The following UBE2E2 variants were observed in gnomAD, a reference collection of about 807,000 sequenced individuals.
The protein encoded by UBE2E2 is ubiquitin-conjugating enzyme E2 E2.
In UBE2E2, 6 loss-of-function variants were observed where a neutral mutation model predicts 24.7. The observed-to-expected ratio is 0.24, with a 90% CI of 0.13 to 0.48. The LOEUF (loss-of-function observed/expected upper bound fraction) is 0.48. Among genes scored for constraint, UBE2E2 ranks in the 20% least tolerant of loss-of-function variants. The pLI is 0.99. For missense variants in UBE2E2, 169 were observed against 245.0 expected (o/e 0.69, Z 2.07); for synonymous variants, 104 against 83.6 (o/e 1.24, Z -1.33).
intron 3 of UBE2E2, among the ~76,000 whole-genome samples, chr3:23,274,996 ATAACT>A (rs1698345779): frequency 6.6e-6 from 1 of 152,224 alleles, no homozygotes; most frequent in Non-Finnish European, 1.5e-5. Flanking sequence ...AATCCTCAAA[ATAACT>A]TTTTGAGGAA....
intron 3 of UBE2E2, among the ~76,000 whole-genome samples, chr3:23,246,536 T>A (rs1465193436): frequency 6.6e-6 from 1 of 151,652 alleles, no homozygotes; most frequent in Non-Finnish European, 1.5e-5. Flanking sequence ...TGCCCGGCCA[T>A]GCCTGGCTAA....
intron 3 of UBE2E2, among the ~76,000 whole-genome samples, chr3:23,324,078 C>T (rs1424681452): frequency 1.3e-5 from 2 of 152,074 alleles, no homozygotes; most frequent in African/African-American, 4.8e-5. Context: ...AATAACTGTG[C>T]AATGCTAAAC....
At chr3:23,267,648 C>G (rs1229508584) in intron 3 of UBE2E2, among the ~76,000 whole-genome samples, 1 of 152,010 alleles carries the variant, frequency 6.6e-6, no homozygotes, top group East Asian at 1.9e-4. Flanking sequence ...TGGTACCATT[C>G]CTTCTGAAAC....
At chr3:23,236,065 T>C (rs1575492407) in intron 3 of UBE2E2, among the ~76,000 whole-genome samples, 1 of 151,920 alleles carries the variant, frequency 6.6e-6, no homozygotes, top group African/African-American at 2.4e-5. Context: ...CATTCAGAAA[T>C]GGGTGAACTA....
intron 3 of UBE2E2, among the ~76,000 whole-genome samples, chr3:23,229,587 A>G (rs1281535997): frequency 6.6e-6 from 1 of 152,222 alleles, no homozygotes; most frequent in Non-Finnish European, 1.5e-5. Flanking sequence ...TGAAGGTCAC[A>G]TAGCAAGTAA....
At chr3:23,226,433 A>G (rs1696828000) in intron 3 of UBE2E2, among the ~76,000 whole-genome samples, 1 of 151,788 alleles carries the variant, frequency 6.6e-6, no homozygotes, top group African/African-American at 2.4e-5. Flanking sequence ...GATGTCATTT[A>G]GTCTTTTCAA....
At chr3:23,428,222 A>G (rs943012123) in intron 3 of UBE2E2, among the ~76,000 whole-genome samples, 11 of 152,238 alleles carry the variant, frequency 7.2e-5, no homozygotes, top group African/African-American at 2.4e-4. Context: ...CAATGGAGTT[A>G]AACTAGAAAT....
At chr3:23,288,547 A>G (rs1391260286) in intron 3 of UBE2E2, among the ~76,000 whole-genome samples, 5 of 152,272 alleles carry the variant, frequency 3.3e-5, no homozygotes, top group Non-Finnish European at 4.4e-5. Flanking sequence ...ATTGGGATCT[A>G]TCTTTCTCTT....
intron 5 of UBE2E2, among the ~76,000 whole-genome samples, chr3:23,557,596 A>G (rs1695822456): frequency 2.0e-5 from 3 of 152,190 alleles, no homozygotes; most frequent in Admixed American, 2.0e-4. Context: ...CCCACACCAG[A>G]CGCAGTGAGA....
chr3:23,226,200 A>G (rs1696821649), intron 3 of UBE2E2, among the ~76,000 whole-genome samples: 1 of 149,760 alleles, frequency 6.7e-6, no homozygotes. Context: ...TTTCCACATC[A>G]TAGTAACTAA....
At chr3:23,478,751 A>C (rs930059574) in intron 3 of UBE2E2, among the ~76,000 whole-genome samples, 2 of 152,110 alleles carry the variant, frequency 1.3e-5, no homozygotes, top group African/African-American at 4.8e-5. Context: ...GATTACAAAA[A>C]ATTAAGAGGT....
intron 3 of UBE2E2, among the ~76,000 whole-genome samples, chr3:23,283,124 TTG>T (rs1427737610): frequency 2.0e-5 from 3 of 152,232 alleles, no homozygotes; most frequent in African/African-American, 7.2e-5. Flanking sequence ...TAAGGAGAAG[TTG>T]ATAAATGCTA....
rs182408230 is a variant in UBE2E2 at position 23,290,294 on chromosome 3, C to T, written c.227+72982C>T. 6.6e-5 allele frequency among the ~76,000 whole-genome samples: 10 copies of T among 152,270 alleles called. 1 individual carries two copies. Among genetic ancestry groups the T allele is most frequent in the Admixed American group, 5.9e-4 (9 of 15,292 alleles). On this transcript the variant is annotated intron_variant, in intron 3 of 5. Coordinates refer to ENST00000396703, the MANE Select transcript of UBE2E2 (RefSeq NM_152653.4). Reference sequence around the variant, plus strand: ...TGTGGACCATTCTTGAAGCTGGTGACGCTGCAAAGGGTCCAAGGCTTGCCC... The same window carrying T: ...TGTGGACCATTCTTGAAGCTGGTGATGCTGCAAAGGGTCCAAGGCTTGCCC...
intron 5 of UBE2E2, among the ~76,000 whole-genome samples, chr3:23,563,819 A>C (rs561104923): frequency 1.2e-3 from 181 of 152,168 alleles, no homozygotes; most frequent in African/African-American, 4.3e-3. Context: ...GTAGTTAATG[A>C]GGTGTGTATT....
intron 1 of UBE2E2, among the ~76,000 whole-genome samples, chr3:23,204,177 C>G (rs1257708275): frequency 7.0e-6 from 1 of 142,114 alleles, no homozygotes; most frequent in East Asian, 2.4e-4. Flanking sequence ...TCCGATCTCT[C>G]TCATAATGTT....
At chr3:23,436,886 TCA>T (rs1304274541) in intron 3 of UBE2E2, among the ~76,000 whole-genome samples, 1 of 152,208 alleles carries the variant, frequency 6.6e-6, no homozygotes, top group East Asian at 1.9e-4. Context: ...AGGGAATGTT[TCA>T]CAGAGTATTT....
intron 3 of UBE2E2, among the ~76,000 whole-genome samples, chr3:23,380,678 T>G (rs1158665163): frequency 6.6e-6 from 1 of 152,182 alleles, no homozygotes; most frequent in Non-Finnish European, 1.5e-5. Context: ...TGTGCCCAGC[T>G]CTGTTGGAAT....
chr3:23,508,599 G>C (rs1461040038), intron 4 of UBE2E2, among the ~76,000 whole-genome samples: 2 of 152,186 alleles, frequency 1.3e-5, no homozygotes, highest in Non-Finnish European at 2.9e-5. Flanking sequence ...GCCTTGAAGA[G>C]GTGGTGGTGA....
chr3:23,354,631 C>G (rs1220757038), intron 3 of UBE2E2, among the ~76,000 whole-genome samples: 1 of 152,184 alleles, frequency 6.6e-6, no homozygotes, highest in Non-Finnish European at 1.5e-5. Flanking sequence ...TGAAAAAATG[C>G]TCACCATCAC....
Sources: gnomAD v4.1 joint callset for allele counts (sites outside exome capture counted in the v4.1 genomes callset) on GRCh38, gnomAD v4.1.1 for gene constraint, MANE v1.5 for transcripts, NCBI Gene and HGNC (gene_info 2026-07-23, HGNC 2026-07-21) for gene names.